Variants in NSD3 observed in about 807,000 individuals in gnomAD.
NSD3 encodes the protein nuclear receptor binding SET domain protein 3.
NSD3 carries 24 observed loss-of-function variants against 160.8 expected under a neutral mutation model. The observed-to-expected ratio is 0.15, with a 90% confidence interval of 0.11 to 0.21. The LOEUF (loss-of-function observed/expected upper bound fraction) is 0.21. NSD3 is among the 10% of genes least tolerant of loss of function. NSD3 has a pLI of 1.00. For missense variants in NSD3, 1,157 were observed against 1,735.9 expected (o/e 0.67, Z 5.93); for synonymous variants, 520 against 600.0 (o/e 0.87, Z 1.95).
At chr8:38,366,873 G>A (rs1811118832) in intron 1 of NSD3, among the ~76,000 whole-genome samples, 1 of 152,076 alleles carries the variant, frequency 6.6e-6, no homozygotes, top group South Asian at 2.1e-4. Context: ...ATGTGGCTAA[G>A]GTTACCATAT....
At chr8:38,313,445 C>A (rs1024121706) in intron 12 of NSD3, among the ~76,000 whole-genome samples, 1 of 151,980 alleles carries the variant, frequency 6.6e-6, no homozygotes, top group Non-Finnish European at 1.5e-5. Flanking sequence ...ATAATAGTAC[C>A]TATCTCATCA....
chr8:38,346,231 A>G lies in NSD3; in HGVS notation c.675+1266T>C, dbSNP rs562414278. 1.1e-3 allele frequency among the ~76,000 whole-genome samples: 164 copies of G among 148,588 alleles called. 1 individual carries two copies. The highest frequency in any genetic ancestry group is 5.0e-3 in the South Asian group (24 of 4,782). On this transcript the variant is annotated intron_variant, in intron 2 of 23. Transcript: ENST00000317025. ...ATGTATTATGTATATATGCATATGT[A>G]TATGTGTGTACATAAGTTAGCTTTA...
Position 38,317,100 on chromosome 8 carries a change from C to T in NSD3, c.1856-1058G>A. On this transcript the variant is annotated intron_variant, in intron 9 of 23. Coordinates refer to ENST00000317025, the MANE Select transcript of NSD3 (RefSeq NM_023034.2). This position sits in a 1 kb window ranked among gnomAD's most constrained non-coding sequence, Gnocchi z 5.3. ...CAGTCCAGAAGAGCCCATGGAGAAA[C>T]AAGTCTCCTGAGGCCATGAAGATCC... 1.9e-6 allele frequency: 2 copies of T among 1,062,030 alleles called. No homozygotes were observed. The highest frequency in any genetic ancestry group is 2.3e-6 in the Non-Finnish European group (2 of 877,268). 65.8% of individuals were successfully genotyped at this position (1,062,030 alleles called of 1,614,324 possible).
At chr8:38,362,855 C>A (rs1034571199) in intron 1 of NSD3, among the ~76,000 whole-genome samples, 2 of 152,186 alleles carry the variant, frequency 1.3e-5, no homozygotes, top group African/African-American at 4.8e-5. Flanking sequence ...GAACATAACA[C>A]ATGATGAGAA....
At chr8:38,315,788 CAAAAT>C (rs758049835) in intron 10 of NSD3, 119 bp downstream of exon 10, 89 of 1,404,868 alleles carry the variant, frequency 6.3e-5, no homozygotes, top group Non-Finnish European at 7.6e-5. Context: ...TTAAGACACT[CAAAAT>C]AAACAAAGTG....
In NSD3 at chr8:38,318,740, T is replaced by TCA. The variant is rs199648336; in HGVS notation, c.1855+153_1855+154dup. Among the ~76,000 whole-genome samples, 3,640 of 151,822 alleles carry TCA rather than the reference T, an allele frequency of 0.024. 54 individuals carry two copies. The highest frequency in any genetic ancestry group is 0.035 in the Non-Finnish European group (2,366 of 67,910). On this transcript the variant is annotated intron_variant, in intron 9 of 23. Coordinates refer to ENST00000317025, the MANE Select transcript of NSD3 (RefSeq NM_023034.2). The surrounding 1 kb of genome is among the most constrained non-coding windows in gnomAD (Gnocchi z 5.3). ...TACAGAATAAGATCAACTCTAAAAG[T>TCA]CACACACACACACGAACACTGGGGA...
In NSD3 at chr8:38,339,928, C is replaced by T. The variant is rs922521720; in HGVS notation, c.676-1321G>A. On this transcript the variant is annotated intron_variant, in intron 2 of 23. Coordinates refer to ENST00000317025, the MANE Select transcript of NSD3 (RefSeq NM_023034.2). Reference sequence around the variant, plus strand: ...TATTTCATGTCAGTAATCTGCATGTCTACCAATATCTTCCAATTTTTTATT... The same window carrying T: ...TATTTCATGTCAGTAATCTGCATGTTTACCAATATCTTCCAATTTTTTATT... Among the ~76,000 whole-genome samples, 11 of 152,196 alleles carry T rather than the reference C, an allele frequency of 7.2e-5. No individual in the cohort carries two copies. In the East Asian group the frequency reaches 2.1e-3, roughly 29 times the overall value.
chr8:38,308,392 A>C (rs551020511), intron 12 of NSD3, among the ~76,000 whole-genome samples: 40 of 152,166 alleles, frequency 2.6e-4, no homozygotes, highest in Non-Finnish European at 5.7e-4. Context: ...TTTACCATGT[A>C]TATAGATATG....
In NSD3 at chr8:38,288,478, C is replaced by A; in HGVS notation, c.3501+9G>T. 1 of 1,612,556 alleles carries A rather than the reference C, an allele frequency of 6.2e-7. No homozygotes were observed. The highest frequency in any genetic ancestry group is 8.5e-7 in the Non-Finnish European group (1 of 1,178,818). ...GTCTCTTCCACCCCCCACCACCATC[C>A]CATGCTACCTTCTTAATGCTCCTTT... On this transcript the variant is annotated intron_variant, in intron 19 of 23. Coordinates refer to ENST00000317025, the MANE Select transcript of NSD3 (RefSeq NM_023034.2). This position sits in a 1 kb window ranked among gnomAD's most constrained non-coding sequence, Gnocchi z 4.5.
intron 23 of NSD3, 143 bp downstream of exon 23, chr8:38,276,153 G>A (rs1375602860): frequency 8.2e-6 from 8 of 975,758 alleles, no homozygotes; most frequent in East Asian, 5.2e-5. Flanking sequence ...AAATGTGTAA[G>A]GGGAAAGATT....
At chr8:38,372,811 T>C (rs1242660140) in intron 1 of NSD3, among the ~76,000 whole-genome samples, 1 of 146,562 alleles carries the variant, frequency 6.8e-6, no homozygotes, top group Non-Finnish European at 1.5e-5. Context: ...TTCTTACTAT[T>C]ATTAAAAAAA....
Position 38,306,697 on chromosome 8 carries a change from T to TAATGTAAAAGTGGGCAGAG in NSD3, c.2243-1271_2243-1253dup, listed in dbSNP as rs1809401203. On this transcript the variant is annotated intron_variant, in intron 12 of 23. Coordinates refer to ENST00000317025, the MANE Select transcript of NSD3 (RefSeq NM_023034.2). The stretch of plus-strand genomic sequence containing the variant: ...AATATAGAAAAAAACCAAAGCAGCC[T>TAATGTAAAAGTGGGCAGAG]AATGTAAAAGTGGGCAGAGGATGTA... Among the ~76,000 whole-genome samples, 7 of 152,058 alleles carry TAATGTAAAAGTGGGCAGAG rather than the reference T, an allele frequency of 4.6e-5. No homozygotes were observed. In the South Asian group the frequency reaches 1.5e-3, roughly 32 times the overall value.
At chr8:38,352,959 C>T (rs948599310) in intron 1 of NSD3, among the ~76,000 whole-genome samples, 1 of 152,162 alleles carries the variant, frequency 6.6e-6, no homozygotes, top group African/African-American at 2.4e-5. Flanking sequence ...TTCTAATAAC[C>T]ACCATTAACA....
intron 2 of NSD3, among the ~76,000 whole-genome samples, chr8:38,341,139 A>G (rs1810356200): frequency 6.6e-6 from 1 of 152,152 alleles, no homozygotes; most frequent in Admixed American, 6.5e-5. Context: ...TCTTAAAACA[A>G]CAACAACAAA....
chr8:38,278,589 C>A (rs1192456609), intron 21 of NSD3, among the ~76,000 whole-genome samples, 177 bp from the exon 22 acceptor site: 3 of 152,122 alleles, frequency 2.0e-5, no homozygotes, highest in South Asian at 2.1e-4. Context: ...AGAAAAACAT[C>A]CCCACCCAGG....
At chr8:38,280,527 G>A (rs1347454631) in intron 20 of NSD3, among the ~76,000 whole-genome samples, 1 of 152,052 alleles carries the variant, frequency 6.6e-6, no homozygotes, top group Non-Finnish European at 1.5e-5. Context: ...TGATAGCCTA[G>A]AACACAGGAA....
intron 1 of NSD3, among the ~76,000 whole-genome samples, chr8:38,375,164 C>A (rs914451485): frequency 9.2e-5 from 14 of 152,166 alleles, no homozygotes; most frequent in Admixed American, 4.6e-4. Flanking sequence ...CCATGCTACA[C>A]ATGGCTAAAA....
At position 38,329,694 on chromosome 8, in the gene NSD3, G is replaced by T; in HGVS notation, c.1265C>A (p.Pro422Gln). 2 of 1,614,198 alleles carry T rather than the reference G, an allele frequency of 1.2e-6. No individual in the cohort carries two copies. The highest frequency in any genetic ancestry group is 1.7e-6 in the Non-Finnish European group (2 of 1,180,046). ...TGGCTGAGTATTCAGCACAGATCTT[G>T]GTCGTCGGGTTTTTTTAACTTCGGT... ...SKTEVKKTRR[P>Q]RSVLNTQPEQ... is the part of the protein sequence containing the mutation. Residue 422 changes from proline (P) to glutamine (Q), a missense_variant, in exon 6 of 24, where the codon CCA becomes CAA. By Grantham distance (76) the Pro-to-Gln change is moderately conservative. Transcript: ENST00000317025. This position sits in a 1 kb window ranked among gnomAD's most constrained non-coding sequence, Gnocchi z 4.8.
At chr8:38,320,727 A>T (rs1184020731) in intron 8 of NSD3, 2 of 147,298 alleles carry the variant, frequency 1.4e-5, no homozygotes, top group East Asian at 1.9e-4. Flanking sequence ...AATCAAACTT[A>T]AAAAAAAAAA....
Sources: allele counts gnomAD v4.1 joint callset (sites outside exome capture counted in the v4.1 genomes callset), GRCh38; gene constraint gnomAD v4.1.1; non-coding constraint Gnocchi (gnomAD v3.1); transcripts MANE v1.5; gene names NCBI Gene and HGNC (gene_info 2026-07-23, HGNC 2026-07-21).